The following CALN1 variants were observed in gnomAD, a reference collection of about 807,000 sequenced individuals.
CALN1 encodes calneuron 1.
A neutral mutation model predicts 30.6 loss-of-function variants in CALN1; 17 were observed. That is an observed-to-expected ratio of 0.56 (90% CI 0.38 to 0.83). The LOEUF (loss-of-function observed/expected upper bound fraction) is 0.83. Among genes scored for constraint, CALN1 ranks in the 40% least tolerant of loss-of-function variants. CALN1 has a pLI of 0.00. For synonymous variants in CALN1, 156 were observed against 131.4 expected, an observed-to-expected ratio of 1.19 and a Z score of -1.28; for missense variants, 291 against 354.9, an observed-to-expected ratio of 0.82 and a Z score of 1.45.
At chr7:71,788,478 G>T (rs1250976432) in intron 6 of CALN1, among the ~76,000 whole-genome samples, 1 of 141,788 alleles carries the variant, frequency 7.1e-6, no homozygotes, top group African/African-American at 2.7e-5. Flanking sequence ...TTACTAAGAG[G>T]TTTTTTTTTG....
At chr7:72,327,359 C>T (rs1801352273) in intron 2 of CALN1, among the ~76,000 whole-genome samples, 1 of 152,116 alleles carries the variant, frequency 6.6e-6, no homozygotes, top group African/African-American at 2.4e-5. Flanking sequence ...TGTGGTGACA[C>T]GTGCCTTTAG....
intron 1 of CALN1, among the ~76,000 whole-genome samples, 168 bp downstream of exon 1, chr7:72,411,889 CT>C (rs1481046443): frequency 6.6e-6 from 1 of 152,144 alleles, no homozygotes; most frequent in African/African-American, 2.4e-5. Flanking sequence ...AAGCAACTCT[CT>C]TTTAGAGAGG....
chr7:71,837,545 CT>C (rs1789694466), intron 5 of CALN1, among the ~76,000 whole-genome samples: 1 of 152,022 alleles, frequency 6.6e-6, no homozygotes, highest in African/African-American at 2.4e-5. Context: ...AATTTGACAC[CT>C]GGGAAGGTTA....
chr7:71,954,568 C>T (rs1034502611), intron 5 of CALN1, among the ~76,000 whole-genome samples: 1 of 152,206 alleles, frequency 6.6e-6, no homozygotes, highest in Non-Finnish European at 1.5e-5. Flanking sequence ...AGGAGGACTG[C>T]ACGAGCCTGG....
At chr7:71,816,639 A>G (rs1788279390) in intron 5 of CALN1, among the ~76,000 whole-genome samples, 1 of 152,150 alleles carries the variant, frequency 6.6e-6, no homozygotes, top group African/African-American at 2.4e-5. Flanking sequence ...AGAGAAGGAA[A>G]GATACAGACT....
chr7:72,171,895 T>C (rs1788997983), intron 3 of CALN1, among the ~76,000 whole-genome samples: 1 of 152,156 alleles, frequency 6.6e-6, no homozygotes, highest in African/African-American at 2.4e-5. Context: ...TTTCAAGTAA[T>C]GTGTCGCCAT....
chr7:72,117,776 G>A (rs1808089598), intron 3 of CALN1, among the ~76,000 whole-genome samples: 1 of 152,034 alleles, frequency 6.6e-6, no homozygotes, highest in African/African-American at 2.4e-5. Context: ...TGGCCAACAT[G>A]GCGAAACTCC....
chr7:71,857,445 C>T (rs956275976), intron 5 of CALN1, among the ~76,000 whole-genome samples: 1 of 152,136 alleles, frequency 6.6e-6, no homozygotes, highest in African/African-American at 2.4e-5. Flanking sequence ...GAAGTGCTGT[C>T]AGGGCTCTCA....
chr7:72,263,861 C>T (rs1018855230), intron 3 of CALN1, among the ~76,000 whole-genome samples: 3 of 152,168 alleles, frequency 2.0e-5, no homozygotes, highest in African/African-American at 7.2e-5. Flanking sequence ...GGCACTGCCT[C>T]AAGGATGAAA....
chr7:72,201,534 T>C (rs1344499415), intron 3 of CALN1, among the ~76,000 whole-genome samples: 1 of 151,612 alleles, frequency 6.6e-6, no homozygotes, highest in South Asian at 2.1e-4. Context: ...AAGGCTGCAG[T>C]GAGCTGAGAT....
chr7:72,441,761 A>T lies in CALN1; in HGVS notation c.-226+5281T>A, dbSNP rs562401139. ...GGTTTGGGTTTCTGGTCATCTTTTT[A>T]ACCTGTAAATAGCTGTGATGCCTCA... On this transcript the variant is annotated intron_variant, in intron 1 of 6. Coordinates refer to the CALN1 transcript ENST00000395276. 3.3e-5 allele frequency among the ~76,000 whole-genome samples: 5 copies of T among 152,202 alleles called. No homozygotes were observed. The South Asian group carries it at 8.3e-4, about 25-fold the overall frequency.
At chr7:72,082,753 T>C (rs1176532720) in intron 4 of CALN1, among the ~76,000 whole-genome samples, 1 of 152,222 alleles carries the variant, frequency 6.6e-6, no homozygotes, top group East Asian at 1.9e-4. Flanking sequence ...AGAACTCCTA[T>C]CCAACTCAAC....
intron 5 of CALN1, among the ~76,000 whole-genome samples, chr7:71,969,628 G>T (rs1383712333): frequency 6.6e-6 from 1 of 152,154 alleles, no homozygotes; most frequent in Non-Finnish European, 1.5e-5. Context: ...TCTGAACATA[G>T]CATTATCAGA....
intron 3 of CALN1, among the ~76,000 whole-genome samples, chr7:72,262,887 G>C (rs1266000060): frequency 6.6e-6 from 1 of 152,210 alleles, no homozygotes; most frequent in African/African-American, 2.4e-5. Flanking sequence ...AGGTTGAAGT[G>C]GGGGAGTAGG....
intron 1 of CALN1, among the ~76,000 whole-genome samples, chr7:72,423,947 AAAGAAGGGAGGG>A (rs1443679183): frequency 1.0e-4 from 13 of 126,576 alleles, no homozygotes; most frequent in South Asian, 3.2e-4. Flanking sequence ...AGAAAGAAAG[AAAGAAGGGAGGG>A]AGGGAGGGAG....
chr7:71,941,325 T>C (rs1242235646), intron 5 of CALN1, among the ~76,000 whole-genome samples: 1 of 146,748 alleles, frequency 6.8e-6, no homozygotes, highest in Non-Finnish European at 1.5e-5. Context: ...CACTCCAGCC[T>C]GGGCGACAGA....
the CALN1 span, among the ~76,000 whole-genome samples, chr7:72,501,927 A>AT: frequency 9.0e-4 from 77 of 85,206 alleles, 9 homozygotes; most frequent in African/African-American, 1.5e-3. Context: ...AAAAAAAAAA[A>AT]AATATATATA....
At chr7:72,399,269 GCTT>G (rs1268091437) in intron 2 of CALN1, among the ~76,000 whole-genome samples, 1 of 84,878 alleles carries the variant, frequency 1.2e-5, no homozygotes, top group East Asian at 5.1e-4. Flanking sequence ...CTAACCTATT[GCTT>G]TTTTTTTTTT....
rs138337370 is a variant in CALN1, at chr7:71,789,645, C to T, written c.659-1743G>A. 1.9e-4 allele frequency among the ~76,000 whole-genome samples: 29 copies of T among 152,244 alleles called. 1 individual carries two copies. In the South Asian group the frequency reaches 5.0e-3, roughly 26 times the overall value. On this transcript the variant is annotated intron_variant, in intron 6 of 6. Coordinates refer to ENST00000395275, the MANE Select transcript of CALN1 (RefSeq NM_031468.4). Reference sequence around the variant, plus strand: ...CAGGGTGTCCTGCCTCCAGATACCACGGCCCCACAGGGTTTACTTTGGGTC... The same window carrying T: ...CAGGGTGTCCTGCCTCCAGATACCATGGCCCCACAGGGTTTACTTTGGGTC...
Sources: gnomAD v4.1 joint callset for allele counts (sites outside exome capture counted in the v4.1 genomes callset) on GRCh38, gnomAD v4.1.1 for gene constraint, MANE v1.5 for transcripts, NCBI Gene and HGNC (gene_info 2026-07-23, HGNC 2026-07-21) for gene names.